TM4SF4: variants seen among roughly 807,000 people sequenced by gnomAD.
The protein encoded by TM4SF4 is transmembrane 4 L six family member 4.
Under a neutral mutation model 24.1 loss-of-function variants are expected in TM4SF4, and 24 were observed. The observed-to-expected ratio is 1.00, with a 90% CI of 0.72 to 1.40. The LOEUF (loss-of-function observed/expected upper bound fraction) is 1.40, where lower values mean the gene tolerates loss of function less well. Among genes scored for constraint, TM4SF4 ranks in the 40% most tolerant of loss-of-function variants. The pLI, the probability that TM4SF4 is intolerant of heterozygous loss-of-function variation, is 0.00. For synonymous variants in TM4SF4, 113 were observed against 97.0 expected, an observed-to-expected ratio of 1.17 and a Z score of -0.97; for missense variants, 254 against 254.2, an observed-to-expected ratio of 1.00 and a Z score of 0.01.
rs755363613 is a variant in TM4SF4, at chr3:149,487,738, C to T, written c.384C>T (p.Gly128=). Residue 128 remains glycine, a synonymous_variant, in exon 3 of 5, where the codon GGC becomes GGT. Transcript: ENST00000305354. ...GCCTCATGGCCAATAGTACATGGGG[C>T]TACCCCTTCCACGACGGGTAAGGCC... ...PKCLMANSTW[G]YPFHDGDYLN... is the part of the protein sequence containing the mutation. The T allele has an allele frequency of 3.7e-6, 6 of 1,613,968 alleles. No homozygotes were observed. The highest frequency in any genetic ancestry group is 5.1e-6 in the Non-Finnish European group (6 of 1,179,864).
At chr3:149,487,519 T>A (rs1194237484) in intron 2 of TM4SF4, 100 bp from the exon 3 acceptor site, 1 of 1,457,986 alleles carries the variant, frequency 6.9e-7, no homozygotes, top group East Asian at 2.3e-5. Context: ...ACTCCATAAC[T>A]TCTTGTAGTC....
chr3:149,484,463 A>C (rs1317679553), intron 2 of TM4SF4, among the ~76,000 whole-genome samples: 1 of 151,860 alleles, frequency 6.6e-6, no homozygotes, highest in Non-Finnish European at 1.5e-5. Context: ...GGCTCACTGC[A>C]ACCTCTGCCT....
intron 3 of TM4SF4, among the ~76,000 whole-genome samples, chr3:149,490,053 A>G (rs1252141913): frequency 6.6e-6 from 1 of 152,164 alleles, no homozygotes; most frequent in Non-Finnish European, 1.5e-5. Flanking sequence ...TTTATAGGCT[A>G]TTTAAGAATG....
intron 3 of TM4SF4, chr3:149,495,247 G>A (rs1242094350): frequency 4.7e-6 from 1 of 213,924 alleles, no homozygotes; most frequent in Non-Finnish European, 1.0e-5. Context: ...CAATATGCTA[G>A]AGCCAAGTAG....
chr3:149,484,180 ATCT>A (rs759427400), intron 2 of TM4SF4, among the ~76,000 whole-genome samples: 6 of 152,178 alleles, frequency 3.9e-5, no homozygotes, highest in Non-Finnish European at 7.3e-5. Context: ...CCCACAGCAC[ATCT>A]TCTTTTCCGT....
At chr3:149,479,279 C>T (rs566454799) in intron 2 of TM4SF4, among the ~76,000 whole-genome samples, 2 of 152,220 alleles carry the variant, frequency 1.3e-5, no homozygotes, top group East Asian at 1.9e-4. Context: ...TGAGCTCATG[C>T]CCCCTGCTTC....
intron 2 of TM4SF4, among the ~76,000 whole-genome samples, chr3:149,477,742 C>T (rs551978671): frequency 5.3e-5 from 8 of 151,988 alleles, no homozygotes; most frequent in African/African-American, 9.7e-5. Context: ...ATGTAATATA[C>T]GTTTTATATA....
chr3:149,483,695 G>A (rs1347433560), intron 2 of TM4SF4, among the ~76,000 whole-genome samples: 1 of 151,934 alleles, frequency 6.6e-6, no homozygotes, highest in Non-Finnish European at 1.5e-5. Flanking sequence ...TAAACTTTCA[G>A]TGACATAAAC....
Position 149,498,876 on chromosome 3 carries a change from C to T in TM4SF4, c.556C>T (p.Leu186Phe), listed in dbSNP as rs1380820190. 1 of 1,613,942 alleles carries T rather than the reference C, an allele frequency of 6.2e-7. No individual in the cohort carries two copies. Among genetic ancestry groups the T allele is most frequent in the Non-Finnish European group, 8.5e-7 (1 of 1,179,858 alleles). The change falls in exon 4 of 5, where the codon CTC (leucine) becomes TTC (phenylalanine). Residue 186 changes from leucine to phenylalanine, a missense_variant. Leu to Phe is a conservative substitution (Grantham distance 22, BLOSUM62 0). Coordinates refer to ENST00000305354, the MANE Select transcript of TM4SF4 (RefSeq NM_004617.4). The stretch of plus-strand genomic sequence containing the variant: ...GGTGGTCAATGGCCTCCTGGGGACC[C>T]TCTGTGGGGACTGCCAGTGTTGTGG... Reference protein sequence around the residue: ...IQVVNGLLGTLCGDCQCCGCC... With the variant: ...IQVVNGLLGTFCGDCQCCGCC...
At chr3:149,492,667 A>G (rs1051644473) in intron 3 of TM4SF4, among the ~76,000 whole-genome samples, 25 of 152,150 alleles carry the variant, frequency 1.6e-4, no homozygotes, top group African/African-American at 5.6e-4. Flanking sequence ...ACCTCCTTAG[A>G]AAGAGTCAAG....
At position 149,474,830 on chromosome 3, in the gene TM4SF4, A is replaced by G; in HGVS notation, c.-48A>G. ...AACCCTTGAAGAGGCCCCGTGAAGG[A>G]GGCAGTGAGGAGCTTTTGATTGCTG... On this transcript the variant is annotated 5_prime_UTR_variant, in exon 1 of 5. Transcript: ENST00000305354. The G allele has an allele frequency of 6.5e-7, 1 of 1,550,188 alleles. No individual in the cohort carries two copies. The highest frequency in any genetic ancestry group is 8.7e-7 in the Non-Finnish European group (1 of 1,149,962).
intron 4 of TM4SF4, among the ~76,000 whole-genome samples, chr3:149,500,048 A>G (rs68089521): frequency 0.086 from 13,044 of 152,210 alleles, 1,108 homozygotes; most frequent in East Asian, 0.43. Context: ...CTCCTCACCT[A>G]GGTAAGGTTA....
chr3:149,483,149 C>CTGTT (rs1734063694), intron 2 of TM4SF4, among the ~76,000 whole-genome samples: 1 of 151,694 alleles, frequency 6.6e-6, no homozygotes, highest in South Asian at 2.1e-4. Context: ...CACTCAGAAC[C>CTGTT]TATTTCTGAA....
At chr3:149,495,511 G>T in intron 3 of TM4SF4, 1 of 410,516 alleles carries the variant, frequency 2.4e-6, no homozygotes, top group Admixed American at 2.8e-5. Context: ...CTGTTGAAAT[G>T]CACCATGTTG....
intron 3 of TM4SF4, among the ~76,000 whole-genome samples, chr3:149,492,321 T>A (rs1237288735): frequency 6.6e-6 from 1 of 152,176 alleles, no homozygotes; most frequent in Non-Finnish European, 1.5e-5. Flanking sequence ...TCAGAAATGT[T>A]TTTTGGTGAT....
At position 149,501,754 on chromosome 3, in the gene TM4SF4, C is replaced by T. The variant is rs376375708; in HGVS notation, c.592-922C>T. Among the ~76,000 whole-genome samples the T allele has an allele frequency of 8.5e-5, 13 of 152,328 alleles. No individual in the cohort carries two copies. The East Asian group carries it at 9.6e-4, about 11-fold the overall frequency. On this transcript the variant is annotated intron_variant, in intron 4 of 4. Coordinates refer to ENST00000305354, the MANE Select transcript of TM4SF4 (RefSeq NM_004617.4). ...TAACTTCTCATAGTCTCAGTTATTC[C>T]AACTGCCTCTTGCCTAACTTATGGA...
intron 3 of TM4SF4, among the ~76,000 whole-genome samples, chr3:149,490,339 T>A (rs1242725160): frequency 6.6e-6 from 1 of 152,254 alleles, no homozygotes; most frequent in Admixed American, 6.5e-5. Context: ...GAAGTTCACC[T>A]TGAATTTCTT....
At chr3:149,495,560 G>T in intron 3 of TM4SF4, 1 of 373,342 alleles carries the variant, frequency 2.7e-6, no homozygotes, top group South Asian at 2.6e-5. Flanking sequence ...TCAGTGTTAA[G>T]AACGCATCTG....
chr3:149,479,175 AC>A (rs1303934838), intron 2 of TM4SF4, among the ~76,000 whole-genome samples: 1 of 152,112 alleles, frequency 6.6e-6, no homozygotes, highest in Non-Finnish European at 1.5e-5. Context: ...GCATTTTGGC[AC>A]AACAGCACCC....
Sources: allele counts gnomAD v4.1 joint callset (sites outside exome capture counted in the v4.1 genomes callset), GRCh38; gene constraint gnomAD v4.1.1; transcripts MANE v1.5; gene names NCBI Gene and HGNC (gene_info 2026-07-23, HGNC 2026-07-21).